Variants in PDS5A observed in about 807,000 individuals in gnomAD.
PDS5A encodes sister chromatid cohesion protein PDS5 homolog A.
Under a neutral mutation model 167.1 loss-of-function variants are expected in PDS5A, and 42 were observed. That is an observed-to-expected ratio of 0.25 (90% CI 0.20 to 0.33). The LOEUF (loss-of-function observed/expected upper bound fraction) is 0.33. Among genes scored for constraint, PDS5A ranks in the 10% least tolerant of loss-of-function variants. The probability of loss-of-function intolerance (pLI) is 1.00; values close to 1 mark genes in which losing one functional copy is unlikely to be tolerated. For synonymous variants in PDS5A, 553 were observed against 554.6 expected (o/e 1.00, Z 0.04); for missense variants, 1,033 against 1,605.9 (o/e 0.64, Z 6.10).
intron 2 of PDS5A, chr4:39,973,641 C>A: frequency 7.6e-7 from 1 of 1,316,072 alleles, no homozygotes; most frequent in Non-Finnish European, 1.1e-6. Context: ...CAGAAATGAA[C>A]GGTAGAACTG....
At chr4:39,842,880 T>C (rs949919184) in intron 30 of PDS5A, among the ~76,000 whole-genome samples, 33 of 133,580 alleles carry the variant, frequency 2.5e-4, no homozygotes, top group East Asian at 2.3e-4. Flanking sequence ...AATTAGAAAA[T>C]GTTAGAACAA....
rs968983649 is a variant in PDS5A at position 39,958,272 on chromosome 4, C to T, written c.138+18168G>A. On this transcript the variant is annotated intron_variant, in intron 2 of 32. Transcript: ENST00000303538. Reference sequence around the variant, plus strand: ...CTGTAATCCCAGCACATTGGGAGGTCGAAGCAGGAGGATCTCCTGAGGTCA... The same window carrying T: ...CTGTAATCCCAGCACATTGGGAGGTTGAAGCAGGAGGATCTCCTGAGGTCA... Among the ~76,000 whole-genome samples, 9 of 151,674 alleles carry T rather than the reference C, an allele frequency of 5.9e-5. No homozygotes were observed. In the East Asian group the frequency reaches 7.8e-4, roughly 13 times the overall value.
chr4:39,867,770 A>AC (rs1286629718), intron 22 of PDS5A, among the ~76,000 whole-genome samples: 1 of 119,666 alleles, frequency 8.4e-6, no homozygotes, highest in African/African-American at 4.0e-5. Context: ...ACACACACAC[A>AC]CACACCCCAC....
At chr4:39,965,312 T>TA (rs922909766) in intron 2 of PDS5A, among the ~76,000 whole-genome samples, 1 of 152,178 alleles carries the variant, frequency 6.6e-6, no homozygotes, top group African/African-American at 2.4e-5. Context: ...CTGTTCCCAC[T>TA]AAGGTATCAA....
At chr4:39,830,101 G>A (rs1289350124) in intron 32 of PDS5A, among the ~76,000 whole-genome samples, 1 of 151,916 alleles carries the variant, frequency 6.6e-6, no homozygotes, top group African/African-American at 2.4e-5. Flanking sequence ...AGCAAGGTCC[G>A]TTCAGGTCTT....
chr4:39,910,323 A>G lies in PDS5A; in HGVS notation c.1008T>C (p.His336=). The change falls in exon 10 of 33, where the codon CAT becomes CAC. Residue 336 remains histidine, a synonymous_variant. Transcript: ENST00000303538. The part of the protein sequence containing the change: ...QCFLGRFNDI[H]VPVRLESVKF... ...TCACACTTTCTAATCTCACAGGAACATGAATATCATTAAATCTACACAGAA... is the reference window on the plus strand; with the variant it reads ...TCACACTTTCTAATCTCACAGGAACGTGAATATCATTAAATCTACACAGAA... 2.6e-6 allele frequency: 4 copies of G among 1,524,196 alleles called. No individual in the cohort carries two copies. Among genetic ancestry groups the G allele is most frequent in the Admixed American group, 1.7e-5 (1 of 57,314 alleles). The allele number at this position is 1,524,196 out of a possible 1,614,324, so 94.4% of individuals were successfully genotyped here. A position where few individuals can be genotyped will look rare whatever the true frequency, so the allele number is the denominator to read the frequency against.
chr4:39,962,514 A>G (rs1729581327), intron 2 of PDS5A, among the ~76,000 whole-genome samples: 1 of 152,076 alleles, frequency 6.6e-6, no homozygotes, highest in Non-Finnish European at 1.5e-5. Context: ...CTGCAAATTA[A>G]AAGTAGGCAG....
intron 2 of PDS5A, among the ~76,000 whole-genome samples, chr4:39,949,776 C>T (rs56287219): frequency 0.22 from 29,011 of 129,196 alleles, 3,729 homozygotes; most frequent in Admixed American, 0.37. Context: ...CAGTGCATTG[C>T]ACCACTGCAC....
Position 39,843,500 on chromosome 4 carries a change from A to C in PDS5A, c.3548+1156T>G, listed in dbSNP as rs151182588. On this transcript the variant is annotated intron_variant, in intron 30 of 32. Coordinates refer to ENST00000303538, the MANE Select transcript of PDS5A (RefSeq NM_001100399.2). The stretch of plus-strand genomic sequence containing the variant: ...TGTAATCCCAGCACTTTGGGAGTCC[A>C]AGGTGGGCAGAGACTAGCCTGGCAA... 4.3e-3 allele frequency among the ~76,000 whole-genome samples: 646 copies of C among 150,912 alleles called. 4 individuals carry two copies. The highest frequency in any genetic ancestry group is 0.015 in the African/African-American group (625 of 41,138).
chr4:39,867,062 T>C (rs1038401151), intron 22 of PDS5A, 65 bp from the exon 23 acceptor site: 2 of 1,283,134 alleles, frequency 1.6e-6, no homozygotes, highest in Non-Finnish European at 2.2e-6. Context: ...GGAAAATTAA[T>C]TTAATTAGAT....
At position 39,845,899 on chromosome 4, in the gene PDS5A, A is replaced by G. The variant is rs747197450; in HGVS notation, c.3340-19T>C. ...AGAAGTCCTATTAAAAAAAAAAAAGAAAAAGAAAAAAGAAACACCAATCAA... is the reference window on the plus strand; with the variant it reads ...AGAAGTCCTATTAAAAAAAAAAAAGGAAAAGAAAAAAGAAACACCAATCAA... On this transcript the variant is annotated intron_variant, in intron 28 of 32. Transcript: ENST00000303538. 6 of 1,320,372 alleles carry G rather than the reference A, an allele frequency of 4.5e-6. No homozygotes were observed. In the African/African-American group the frequency reaches 7.7e-5, roughly 17 times the overall value. 81.8% of individuals were successfully genotyped at this position (1,320,372 alleles called of 1,614,324 possible).
chr4:39,902,486 A>G (rs1268376762), intron 12 of PDS5A, 26 bp from the exon 13 acceptor site: 2 of 1,152,834 alleles, frequency 1.7e-6, no homozygotes, highest in East Asian at 2.4e-5. Flanking sequence ...AACAAAAAAA[A>G]CCTAAGTGAC....
chr4:39,889,623 T>A (rs906326293), intron 17 of PDS5A, among the ~76,000 whole-genome samples: 10 of 152,238 alleles, frequency 6.6e-5, no homozygotes, highest in Non-Finnish European at 1.0e-4. Flanking sequence ...AAGTCTGAAA[T>A]CATGAGAATA....
At chr4:39,932,279 C>T (rs1200800001) in intron 2 of PDS5A, among the ~76,000 whole-genome samples, 3 of 152,162 alleles carry the variant, frequency 2.0e-5, no homozygotes, top group Non-Finnish European at 2.9e-5. Context: ...GATTGCAATG[C>T]CCCTATGGGA....
intron 7 of PDS5A, among the ~76,000 whole-genome samples, chr4:39,918,785 G>A (rs1047652074): frequency 8.5e-5 from 13 of 152,152 alleles, no homozygotes; most frequent in African/African-American, 2.6e-4. Flanking sequence ...CCTGGGAGGC[G>A]GAGGTTGCAG....
intron 2 of PDS5A, among the ~76,000 whole-genome samples, chr4:39,938,695 G>A (rs1038171232): frequency 6.6e-6 from 1 of 152,098 alleles, no homozygotes; most frequent in African/African-American, 2.4e-5. Context: ...AGTTAGGCCA[G>A]GCGCAGTAGC....
rs2040602193 is a variant in PDS5A at position 39,862,872 on chromosome 4, T to G, written c.2968A>C (p.Thr990Pro). The change falls in exon 25 of 33, where the codon ACT (threonine) becomes CCT (proline). Residue 990 changes from threonine (T) to proline (P), a missense_variant. Coordinates refer to ENST00000303538, the MANE Select transcript of PDS5A (RefSeq NM_001100399.2). Reference protein sequence around the residue: ...REYIKQNPMATEKLLSLLPEY... With the variant: ...REYIKQNPMAPEKLLSLLPEY... The stretch of plus-strand genomic sequence containing the variant: ...CGGAGAACTCTGAGTTACTTACCAG[T>G]AGCCATAGGATTCTGCTTAATGTAT... The G allele has an allele frequency of 1.3e-6, 2 of 1,592,968 alleles. No individual in the cohort carries two copies. Among genetic ancestry groups the G allele is most frequent in the Non-Finnish European group, 1.7e-6 (2 of 1,166,698 alleles).
intron 9 of PDS5A, among the ~76,000 whole-genome samples, chr4:39,910,599 T>A (rs1219760480): frequency 6.6e-6 from 1 of 152,214 alleles, no homozygotes; most frequent in Non-Finnish European, 1.5e-5. Context: ...AACACATCCT[T>A]CAACCCAAAC....
chr4:39,955,035 C>A (rs1234686786), intron 2 of PDS5A, among the ~76,000 whole-genome samples: 4 of 151,886 alleles, frequency 2.6e-5, no homozygotes, highest in African/African-American at 9.7e-5. Flanking sequence ...CAGAGCGAGA[C>A]CCTGTCACAA....
Sources: allele counts gnomAD v4.1 joint callset (sites outside exome capture counted in the v4.1 genomes callset), GRCh38; gene constraint gnomAD v4.1.1; transcripts MANE v1.5; gene names NCBI Gene and HGNC (gene_info 2026-07-23, HGNC 2026-07-21).